The following GMPR variants were observed in gnomAD, a reference collection of about 807,000 sequenced individuals.
GMPR encodes guanosine monophosphate reductase.
In GMPR, 31 loss-of-function variants were observed where a neutral mutation model predicts 38.4. The ratio of observed to expected loss-of-function variants is 0.81; its 90% CI spans 0.61 to 1.09. The LOEUF is 1.09. Among genes scored for constraint, GMPR ranks in the 50% least tolerant of loss-of-function variants. The probability of loss-of-function intolerance (pLI) is 0.00; values close to 1 mark genes in which losing one functional copy is unlikely to be tolerated. For synonymous variants in GMPR, 162 were observed against 173.3 expected (o/e 0.93, Z 0.51); for missense variants, 468 against 453.7 (o/e 1.03, Z -0.29).
At chr6:16,264,546 C>T (rs1403831303) in intron 4 of GMPR, 2 of 152,358 alleles carry the variant, frequency 1.3e-5, no homozygotes, top group Non-Finnish European at 2.9e-5. Flanking sequence ...CTGTTTATTT[C>T]ACCTGGGTGC....
intron 3 of GMPR, among the ~76,000 whole-genome samples, chr6:16,252,703 C>A (rs910026387): frequency 1.3e-5 from 2 of 152,124 alleles, no homozygotes; most frequent in Non-Finnish European, 2.9e-5. Context: ...GAGAAGGCAA[C>A]CAATCTCAAG....
At chr6:16,266,630 A>T (rs891944348) in intron 4 of GMPR, among the ~76,000 whole-genome samples, 1 of 151,640 alleles carries the variant, frequency 6.6e-6, no homozygotes, top group Non-Finnish European at 1.5e-5. Flanking sequence ...GTGAAACCCC[A>T]TCTCTACTAA....
At chr6:16,292,356 C>T (rs1257982991) in intron 8 of GMPR, among the ~76,000 whole-genome samples, 6 of 151,774 alleles carry the variant, frequency 4.0e-5, no homozygotes, top group Non-Finnish European at 7.4e-5. Flanking sequence ...GGGGTTCTAG[C>T]GGACTTACTT....
chr6:16,247,339 C>T (rs1405622457), intron 2 of GMPR, among the ~76,000 whole-genome samples: 2 of 151,526 alleles, frequency 1.3e-5, no homozygotes, highest in Non-Finnish European at 2.9e-5. Context: ...ATACATGTAT[C>T]GAGCGCTTAT....
chr6:16,256,098 C>T (rs994209224), intron 4 of GMPR, among the ~76,000 whole-genome samples: 1 of 151,726 alleles, frequency 6.6e-6, no homozygotes, highest in African/African-American at 2.4e-5. Flanking sequence ...TGCCTGTAAT[C>T]CCAGCTACTT....
chr6:16,245,382 C>T (rs1263307337), intron 1 of GMPR, among the ~76,000 whole-genome samples: 1 of 152,156 alleles, frequency 6.6e-6, no homozygotes, highest in Non-Finnish European at 1.5e-5. Context: ...CCAGAGCGGT[C>T]CCATGGTGTT....
chr6:16,250,297 C>A lies in GMPR; in HGVS notation c.221C>A (p.Thr74Lys). 6.2e-7 allele frequency: 1 copy of A among 1,602,272 alleles called. No homozygotes were observed. The highest frequency in any genetic ancestry group is 8.6e-7 in the Non-Finnish European group (1 of 1,169,160). The change falls in exon 3 of 9, where the codon ACA becomes AAA. Residue 74 changes from threonine to lysine, a missense_variant. By Grantham distance (78) the Thr-to-Lys change is moderately conservative. Coordinates refer to ENST00000259727, the MANE Select transcript of GMPR (RefSeq NM_006877.4). ...TTTGTTTTCTAGCACTCCATGTTTA[C>A]AGCAATTCATAAGCATTACTCCCTG... ...AAVMSQHSMF[T>K]AIHKHYSLDD...
chr6:16,262,198 G>A (rs1199879413), intron 4 of GMPR: 1 of 151,626 alleles, frequency 6.6e-6, no homozygotes, highest in Non-Finnish European at 1.5e-5. Flanking sequence ...AGAGTTACGC[G>A]AAGCTCGGCA....
chr6:16,247,025 C>T (rs1037497163), intron 2 of GMPR, 64 bp downstream of exon 2: 21 of 1,502,250 alleles, frequency 1.4e-5, no homozygotes, highest in Middle Eastern at 1.9e-4. Context: ...TATCAGGAGC[C>T]GACCCTGGCT....
intron 4 of GMPR, among the ~76,000 whole-genome samples, chr6:16,269,244 A>AC (rs1759334442): frequency 6.6e-6 from 1 of 151,920 alleles, no homozygotes; most frequent in South Asian, 2.1e-4. Flanking sequence ...GGGTACATCC[A>AC]CCCCCATTTT....
In GMPR at chr6:16,290,378, G is replaced by C. The variant is rs926752346; in HGVS notation, c.698-84G>C. 4.0e-5 allele frequency: 50 copies of C among 1,247,808 alleles called. 1 individual carries two copies. The East Asian group carries it at 1.1e-3, about 27-fold the overall frequency. The allele number at this position is 1,247,808 out of a possible 1,614,324, so 77.3% of individuals were successfully genotyped here. On this transcript the variant is annotated intron_variant, in intron 7 of 8. Coordinates refer to ENST00000259727, the MANE Select transcript of GMPR (RefSeq NM_006877.4). ...GCTGGGCGGGGAGGGAGGTGAACTGGGCAAGCACTGGGATTTTTTGAGAGC... is the reference window on the plus strand; with the variant it reads ...GCTGGGCGGGGAGGGAGGTGAACTGCGCAAGCACTGGGATTTTTTGAGAGC...
chr6:16,255,474 T>C (rs918802096), intron 4 of GMPR, among the ~76,000 whole-genome samples: 1 of 152,248 alleles, frequency 6.6e-6, no homozygotes, highest in Non-Finnish European at 1.5e-5. Flanking sequence ...GTCTACGTTA[T>C]GAACATTTCA....
chr6:16,266,606 T>C (rs891667837), intron 4 of GMPR, among the ~76,000 whole-genome samples: 1 of 151,082 alleles, frequency 6.6e-6, no homozygotes. Flanking sequence ...ATCATAACCA[T>C]CCTGGCTAAC....
chr6:16,260,015 C>CT (rs1356084499), intron 4 of GMPR, among the ~76,000 whole-genome samples: 1 of 152,080 alleles, frequency 6.6e-6, no homozygotes, highest in East Asian at 1.9e-4. Flanking sequence ...GGGGCACAGT[C>CT]TAAGTTGGTC....
chr6:16,267,390 A>G (rs1451179043), intron 4 of GMPR, among the ~76,000 whole-genome samples: 5 of 151,168 alleles, frequency 3.3e-5, no homozygotes, highest in African/African-American at 7.3e-5. Flanking sequence ...GAGCTGTAAC[A>G]CTCACTGTGA....
intron 1 of GMPR, among the ~76,000 whole-genome samples, chr6:16,244,547 AG>A (rs1342829257): frequency 1.3e-5 from 2 of 152,094 alleles, no homozygotes; most frequent in African/African-American, 4.8e-5. Context: ...GTTGGGTGGC[AG>A]GACTGGCTTT....
At chr6:16,265,293 T>C (rs1312546814) in intron 4 of GMPR, among the ~76,000 whole-genome samples, 3 of 152,176 alleles carry the variant, frequency 2.0e-5, no homozygotes, top group African/African-American at 7.2e-5. Flanking sequence ...GTAGAGGTAA[T>C]AGCACCTACT....
chr6:16,288,947 C>G (rs1025827271), intron 7 of GMPR, among the ~76,000 whole-genome samples: 1 of 152,210 alleles, frequency 6.6e-6, no homozygotes, highest in Non-Finnish European at 1.5e-5. Flanking sequence ...AATCAGCGCC[C>G]TGACAAAACA....
rs570794050 is a variant in GMPR, at chr6:16,261,176, T to C, written c.465+6441T>C. ...CTGGCTCTTGTGTAAGAATTCTGAC[T>C]GCACTAACCATGCCTAGGAAGGAAA... On this transcript the variant is annotated intron_variant, in intron 4 of 8. Coordinates refer to ENST00000259727, the MANE Select transcript of GMPR (RefSeq NM_006877.4). 2.9e-4 allele frequency among the ~76,000 whole-genome samples: 44 copies of C among 151,692 alleles called. 1 individual carries two copies. The Middle Eastern group carries it at 0.014, about 47-fold the overall frequency.
Sources: allele counts gnomAD v4.1 joint callset (sites outside exome capture counted in the v4.1 genomes callset), GRCh38; gene constraint gnomAD v4.1.1; transcripts MANE v1.5; gene names NCBI Gene and HGNC (gene_info 2026-07-23, HGNC 2026-07-21).